The following RBPJ variants were observed in gnomAD, a reference collection of about 807,000 sequenced individuals.
The protein encoded by RBPJ is recombination signal binding protein for immunoglobulin kappa J region.
Under a neutral mutation model 67.8 loss-of-function variants are expected in RBPJ, and 9 were observed. The ratio of observed to expected loss-of-function variants is 0.13; its 90% CI spans 0.08 to 0.23. The LOEUF is 0.23. Ranked by LOEUF, RBPJ falls within the 10% of genes least tolerant of loss-of-function variation. RBPJ has a pLI of 1.00. For missense variants in RBPJ, 305 were observed against 595.6 expected (o/e 0.51, Z 5.08); for synonymous variants, 198 against 203.3 (o/e 0.97, Z 0.22).
intron 1 of RBPJ, among the ~76,000 whole-genome samples, chr4:26,223,806 A>G (rs1371511171): frequency 6.6e-6 from 1 of 152,196 alleles, no homozygotes; most frequent in Non-Finnish European, 1.5e-5. Flanking sequence ...GGGCTGAGAA[A>G]CTGTGATCTT....
chr4:26,226,146 CAAAAA>C (rs35440890), intron 1 of RBPJ, among the ~76,000 whole-genome samples: 1 of 80,030 alleles, frequency 1.2e-5, no homozygotes, highest in Non-Finnish European at 2.8e-5. Flanking sequence ...GAGACTCTGT[CAAAAA>C]AAAAAAAAAA....
At chr4:26,219,038 T>C (rs938356223) in intron 1 of RBPJ, among the ~76,000 whole-genome samples, 19 of 152,302 alleles carry the variant, frequency 1.2e-4, no homozygotes, top group African/African-American at 4.3e-4. Context: ...TAACCCACCT[T>C]GTCCCAAAAA....
chr4:26,151,175 G>A, the RBPJ span, among the ~76,000 whole-genome samples: 4 of 152,168 alleles, frequency 2.6e-5, no homozygotes, highest in South Asian at 2.1e-4. Context: ...AGTCTTGCCC[G>A]AAGACTCAGT....
chr4:26,418,760 G>A (rs1560340481), intron 4 of RBPJ, among the ~76,000 whole-genome samples: 1 of 152,062 alleles, frequency 6.6e-6, no homozygotes, highest in Non-Finnish European at 1.5e-5. Flanking sequence ...TCCCATGACT[G>A]TCTGCTTTAG....
chr4:26,117,107 G>A, the RBPJ span, among the ~76,000 whole-genome samples: 7 of 152,284 alleles, frequency 4.6e-5, no homozygotes, highest in South Asian at 8.3e-4. Context: ...AAATGTTAAC[G>A]GAGGCAGGAG....
chr4:26,195,412 T>A (rs1053124065), intron 1 of RBPJ, among the ~76,000 whole-genome samples: 4 of 152,108 alleles, frequency 2.6e-5, no homozygotes, highest in African/African-American at 9.7e-5. Context: ...AAAGCTATGA[T>A]CACACCACTG....
intron 1 of RBPJ, among the ~76,000 whole-genome samples, chr4:26,165,244 A>G (rs1210226259): frequency 6.6e-6 from 1 of 152,202 alleles, no homozygotes; most frequent in Non-Finnish European, 1.5e-5. Context: ...AACAATCCTG[A>G]TTATTTGGCT....
At chr4:26,392,915 A>C (rs1249944169) in intron 2 of RBPJ, among the ~76,000 whole-genome samples, 2 of 152,252 alleles carry the variant, frequency 1.3e-5, no homozygotes, top group Admixed American at 6.5e-5. Context: ...AATTAAGGTA[A>C]GTTTTGTTTA....
rs551772313 is a variant in RBPJ at position 26,264,893 on chromosome 4, A to G, written c.-166-97553A>G. Among the ~76,000 whole-genome samples, 1 of 152,328 alleles carries G rather than the reference A, an allele frequency of 6.6e-6. No homozygotes were observed. Among genetic ancestry groups the G allele is most frequent in the South Asian group, 2.1e-4 (1 of 4,830 alleles). On this transcript the variant is annotated intron_variant, in intron 1 of 4. Transcript: ENST00000512351. The surrounding 1 kb of genome is among the most constrained non-coding windows in gnomAD (Gnocchi z 4.1). ...TTCAAGTCTCCTAAACAAACTGACA[A>G]TAGACAGATTAATAGGAGAAAAGGC...
chr4:26,264,469 C>T lies in RBPJ; in HGVS notation c.-166-97977C>T, dbSNP rs1720645947. ...ATCTTCGTAAACTGTCCATTTGATC[C>T]TTCCATTTTCTTTAAAATGGAGTTT... On this transcript the variant is annotated intron_variant, in intron 1 of 4. Coordinates refer to the RBPJ transcript ENST00000512351. This position sits in a 1 kb window ranked among gnomAD's most constrained non-coding sequence, Gnocchi z 4.1. 6.6e-6 allele frequency among the ~76,000 whole-genome samples: 1 copy of T among 152,142 alleles called. No homozygotes were observed. The highest frequency in any genetic ancestry group is 6.5e-5 in the Admixed American group (1 of 15,268).
At chr4:26,228,517 A>G (rs943397211) in intron 1 of RBPJ, among the ~76,000 whole-genome samples, 3 of 152,116 alleles carry the variant, frequency 2.0e-5, no homozygotes, top group Admixed American at 6.5e-5. Flanking sequence ...TTCCGATTTC[A>G]TTCTACATTT....
chr4:26,224,885 C>G (rs1719031852), intron 1 of RBPJ, among the ~76,000 whole-genome samples: 1 of 152,168 alleles, frequency 6.6e-6, no homozygotes, highest in South Asian at 2.1e-4. Context: ...CAAAGGAATT[C>G]CTGTCCCATC....
the RBPJ span, among the ~76,000 whole-genome samples, chr4:26,142,842 T>A: frequency 1.3e-5 from 2 of 152,154 alleles, no homozygotes; most frequent in African/African-American, 4.8e-5. Context: ...AGTGCAGTAG[T>A]GCAATCTCAG....
At position 26,362,425 on chromosome 4, in the gene RBPJ, TTTTTTG is replaced by T. The variant is rs1728161911; in HGVS notation, c.21-23916_21-23911del. Reference sequence around the variant, plus strand: ...TAACATACCAACACTTAAGGCCTTATTTTTTGTTTTTGTTTTTAAGTCATTGAAATT... The same window carrying T: ...TAACATACCAACACTTAAGGCCTTATTTTTTGTTTTTAAGTCATTGAAATT... On this transcript the variant is annotated intron_variant, in intron 1 of 10. Transcript: ENST00000355476. The T allele has an allele frequency of 2.9e-6, 4 of 1,398,182 alleles. No individual in the cohort carries two copies. In the South Asian group the frequency reaches 5.0e-5, roughly 17 times the overall value. 86.6% of individuals were successfully genotyped at this position (1,398,182 alleles called of 1,614,324 possible).
intron 7 of RBPJ, among the ~76,000 whole-genome samples, chr4:26,428,162 G>T (rs184639894): frequency 6.6e-6 from 1 of 152,322 alleles, no homozygotes; most frequent in African/African-American, 2.4e-5. Flanking sequence ...TTTTAAATAC[G>T]TAAGTTTTGG....
rs140560046 is a variant in RBPJ, at chr4:26,357,522, C to T, written c.21-28831C>T. On this transcript the variant is annotated intron_variant, in intron 1 of 10. Transcript: ENST00000355476. Reference sequence around the variant, plus strand: ...TATAAGGAAAAAAGTAAGTTACTATCCACTATTTGTGTATCTCATCAGGTG... The same window carrying T: ...TATAAGGAAAAAAGTAAGTTACTATTCACTATTTGTGTATCTCATCAGGTG... Among the ~76,000 whole-genome samples the T allele has an allele frequency of 4.9e-4, 74 of 152,242 alleles. 1 individual carries two copies. The East Asian group carries it at 0.01, about 21-fold the overall frequency.
At chr4:26,202,138 T>C (rs1485766323) in intron 1 of RBPJ, among the ~76,000 whole-genome samples, 1 of 152,186 alleles carries the variant, frequency 6.6e-6, no homozygotes, top group Non-Finnish European at 1.5e-5. Flanking sequence ...CCTCCACTTT[T>C]AGCCCTCTTC....
intron 1 of RBPJ, among the ~76,000 whole-genome samples, chr4:26,229,998 G>A (rs1033353869): frequency 2.0e-5 from 3 of 152,026 alleles, no homozygotes; most frequent in Non-Finnish European, 2.9e-5. Context: ...AGACCAGCCT[G>A]GGCAACATGG....
At chr4:26,293,308 TCC>T (rs1721735710) in intron 1 of RBPJ, among the ~76,000 whole-genome samples, 3 of 149,858 alleles carry the variant, frequency 2.0e-5, no homozygotes, top group Admixed American at 2.0e-4. Context: ...GCCCTCAGCT[TCC>T]TTTTTTTTTT....
Sources: gnomAD v4.1 joint callset for allele counts (sites outside exome capture counted in the v4.1 genomes callset) on GRCh38, gnomAD v4.1.1 for gene constraint, Gnocchi (gnomAD v3.1) non-coding constraint, MANE v1.5 for transcripts, NCBI Gene and HGNC (gene_info 2026-07-23, HGNC 2026-07-21) for gene names.